VPS50: variants seen among roughly 807,000 people sequenced by gnomAD.
VPS50 encodes syndetin.
A neutral mutation model predicts 139.7 loss-of-function variants in VPS50; 70 were observed. The observed-to-expected ratio is 0.50, with a 90% confidence interval of 0.41 to 0.61. The LOEUF is 0.61. VPS50 is among the 20% of genes least tolerant of loss of function. VPS50 has a pLI of 0.00. For missense variants in VPS50, 921 were observed against 1,133.7 expected, an observed-to-expected ratio of 0.81 and a Z score of 2.69; for synonymous variants, 365 against 376.7, an observed-to-expected ratio of 0.97 and a Z score of 0.36.
chr7:93,325,155 A>G (rs1354675150), intron 21 of VPS50, among the ~76,000 whole-genome samples: 1 of 152,212 alleles, frequency 6.6e-6, no homozygotes, highest in African/African-American at 2.4e-5. Flanking sequence ...ATCTACAACT[A>G]TCTGATCTTT....
chr7:93,240,931 A>G (rs1294404305), intron 2 of VPS50, among the ~76,000 whole-genome samples: 1 of 152,140 alleles, frequency 6.6e-6, no homozygotes, highest in Non-Finnish European at 1.5e-5. Context: ...TTTGCATGAA[A>G]TGGTTCAGAC....
intron 9 of VPS50, among the ~76,000 whole-genome samples, chr7:93,262,740 A>G (rs1320124858): frequency 1.3e-5 from 2 of 152,182 alleles, no homozygotes; most frequent in African/African-American, 4.8e-5. Flanking sequence ...TCTGGTGGTG[A>G]TGATAGCCCC....
intron 12 of VPS50, among the ~76,000 whole-genome samples, chr7:93,290,468 T>C (rs915736795): frequency 1.3e-5 from 2 of 151,402 alleles, no homozygotes; most frequent in Non-Finnish European, 3.0e-5. Flanking sequence ...AGTTTTCTCA[T>C]ATTAAGGAAA....
chr7:93,232,442 C>T lies in VPS50; in HGVS notation c.-26C>T, dbSNP rs768453494. ...GGTGTGATTTGTTAGCTCTTTGAGG[C>T]AGGGTACCCTCCTCAGGATTTCGAT... is the stretch of plus-strand genomic sequence containing the variant. On this transcript the variant is annotated 5_prime_UTR_variant, in exon 1 of 28. Transcript: ENST00000305866. The T allele has an allele frequency of 1.1e-5, 18 of 1,604,064 alleles. No homozygotes were observed. The highest frequency in any genetic ancestry group is 2.7e-5 in the African/African-American group (2 of 74,802).
intron 20 of VPS50, among the ~76,000 whole-genome samples, chr7:93,319,402 T>G (rs1225977157): frequency 2.0e-5 from 3 of 152,202 alleles, no homozygotes; most frequent in Non-Finnish European, 1.5e-5. Context: ...TTCCCTATGG[T>G]CTAGTTATTT....
chr7:93,276,204 A>C lies in VPS50; in HGVS notation c.841A>C (p.Ile281Leu), dbSNP rs757141240. The C allele has an allele frequency of 6.2e-7, 1 of 1,613,538 alleles. No individual in the cohort carries two copies. The highest frequency in any genetic ancestry group is 8.5e-7 in the Non-Finnish European group (1 of 1,179,642). Residue 281 changes from isoleucine to leucine, a missense_variant, in exon 12 of 28, where the codon ATT (isoleucine) becomes CTT (leucine). Ile to Leu is a conservative substitution (Grantham distance 5). Transcript: ENST00000305866. ...DQLHMHFTQA[I>L]HNTVFQVVLG... ...ACTTCATATGCACTTCACCCAAGCC[A>C]TTCACAACACCGTGTTTCAAGTTGT...
chr7:93,257,290 C>T (rs1043454278), intron 5 of VPS50, 104 bp from the exon 6 acceptor site: 3 of 625,100 alleles, frequency 4.8e-6, no homozygotes, highest in Non-Finnish European at 5.6e-6. Context: ...GTTTTTCAAG[C>T]AGGTTTTCTT....
intron 17 of VPS50, among the ~76,000 whole-genome samples, 193 bp downstream of exon 17, chr7:93,303,743 A>G (rs1012932403): frequency 5.9e-5 from 9 of 151,774 alleles, no homozygotes; most frequent in African/African-American, 1.2e-4. Flanking sequence ...GGTTGCGAAA[A>G]ATCAGTCTTA....
In VPS50 at chr7:93,276,198, C is replaced by T; in HGVS notation, c.835C>T (p.Gln279Ter). The T allele has an allele frequency of 6.2e-7, 1 of 1,613,210 alleles. No individual in the cohort carries two copies. The highest frequency in any genetic ancestry group is 8.5e-7 in the Non-Finnish European group (1 of 1,179,498). Residue 279 changes from glutamine to a stop codon, truncating the protein, a stop_gained, in exon 12 of 28, where the codon CAA (glutamine) becomes TAA (stop). Transcript: ENST00000305866. LOFTEE classifies it high-confidence loss of function. ...AMDQLHMHFT[Q>*]AIHNTVFQVV... ...GGATCAACTTCATATGCACTTCACC[C>T]AAGCCATTCACAACACCGTGTTTCA...
At chr7:93,322,621 A>T in intron 20 of VPS50, among the ~76,000 whole-genome samples, 1 of 151,660 alleles carries the variant, frequency 6.6e-6, no homozygotes, top group Non-Finnish European at 1.5e-5. Flanking sequence ...AAAAAAAAAA[A>T]ATAGTACCAA....
chr7:93,353,861 T>C, intron 26 of VPS50, 100 bp downstream of exon 26: 6 of 949,598 alleles, frequency 6.3e-6, no homozygotes, highest in Non-Finnish European at 9.4e-6. Context: ...GTAGAAATAA[T>C]AACAACTAGC....
Position 93,358,760 on chromosome 7 carries a change from T to C in VPS50, c.*324T>C, listed in dbSNP as rs1419033642. On this transcript the variant is annotated 3_prime_UTR_variant, in exon 28 of 28. Transcript: ENST00000305866. The stretch of plus-strand genomic sequence containing the variant: ...ATTAGAAGAACAGTGGCTTAATATA[T>C]GTATGGGAAGTTTATGGAAAATGAA... 1 of 183,950 alleles carries C rather than the reference T, an allele frequency of 5.4e-6. No individual in the cohort carries two copies. Among genetic ancestry groups the C allele is most frequent in the Non-Finnish European group, 1.2e-5 (1 of 86,558 alleles). The allele number at this position is 183,950 out of a possible 1,614,324, so 11.4% of individuals were successfully genotyped here.
chr7:93,316,911 T>C (rs936604220), intron 20 of VPS50, among the ~76,000 whole-genome samples: 1 of 151,942 alleles, frequency 6.6e-6, no homozygotes, highest in Non-Finnish European at 1.5e-5. Flanking sequence ...ACAATTTGAG[T>C]TCATAGAAAA....
intron 20 of VPS50, chr7:93,320,688 C>T (rs947273121): frequency 6.6e-6 from 1 of 152,164 alleles, no homozygotes; most frequent in East Asian, 1.9e-4. Flanking sequence ...AGAGAGGAAC[C>T]TTAAGGGTTT....
At chr7:93,256,429 T>TAAAA in intron 4 of VPS50, 80 bp from the exon 5 acceptor site, 1 of 707,368 alleles carries the variant, frequency 1.4e-6, no homozygotes, top group African/African-American at 1.9e-5. Flanking sequence ...AATATTCTTT[T>TAAAA]AAAAATTCAA....
intron 19 of VPS50, 73 bp from the exon 20 acceptor site, chr7:93,311,093 G>A: frequency 1.3e-6 from 1 of 771,220 alleles, no homozygotes; most frequent in South Asian, 1.4e-5. Context: ...TAAAGGCTAG[G>A]GACCTATCTG....
intron 14 of VPS50, among the ~76,000 whole-genome samples, chr7:93,295,880 A>G (rs753935361): frequency 2.0e-5 from 3 of 151,920 alleles, no homozygotes; most frequent in Non-Finnish European, 4.4e-5. Context: ...GTGCACCACC[A>G]TGCCTAATTT....
intron 20 of VPS50, among the ~76,000 whole-genome samples, chr7:93,317,043 G>T (rs1192857200): frequency 6.6e-6 from 1 of 152,180 alleles, no homozygotes; most frequent in East Asian, 1.9e-4. Context: ...AGGGCAAACA[G>T]CAAGATCAGT....
intron 2 of VPS50, among the ~76,000 whole-genome samples, chr7:93,245,705 G>A (rs1795129987): frequency 6.6e-6 from 1 of 151,764 alleles, no homozygotes; most frequent in Admixed American, 6.6e-5. Flanking sequence ...AACTTCAACA[G>A]TATTCCACTA....
Sources: gnomAD v4.1 joint callset for allele counts (sites outside exome capture counted in the v4.1 genomes callset) on GRCh38, gnomAD v4.1.1 for gene constraint, MANE v1.5 for transcripts, NCBI Gene and HGNC (gene_info 2026-07-23, HGNC 2026-07-21) for gene names.